Variants in HS3ST5 observed in about 807,000 individuals in gnomAD.
HS3ST5 encodes heparan sulfate-glucosamine 3-sulfotransferase 5, also known as heparan sulfate glucosamine 3-O-sulfotransferase 5.
Under a neutral mutation model 25.4 loss-of-function variants are expected in HS3ST5, and 10 were observed. That is an observed-to-expected ratio of 0.39 (90% CI 0.24 to 0.67). HS3ST5 has a LOEUF of 0.67. Ranked by LOEUF, HS3ST5 falls within the 30% of genes least tolerant of loss-of-function variation. HS3ST5 has a pLI of 0.44. For missense variants in HS3ST5, 324 were observed against 420.7 expected (o/e 0.77, Z 2.01); for synonymous variants, 170 against 162.4 (o/e 1.05, Z -0.36).
intron 1 of HS3ST5, among the ~76,000 whole-genome samples, chr6:114,336,418 G>A (rs1776614107): frequency 1.3e-5 from 2 of 152,184 alleles, no homozygotes; most frequent in Non-Finnish European, 2.9e-5. Flanking sequence ...GACCAGTCTG[G>A]CCAACATGGC....
chr6:114,338,393 G>A (rs1776694089), intron 1 of HS3ST5, among the ~76,000 whole-genome samples: 1 of 151,098 alleles, frequency 6.6e-6, no homozygotes, highest in African/African-American at 2.4e-5. Context: ...GCAGAGTCAA[G>A]TTAGGCAAAG....
At chr6:114,105,388 G>C (rs1775942749) in intron 3 of HS3ST5, among the ~76,000 whole-genome samples, 1 of 152,142 alleles carries the variant, frequency 6.6e-6, no homozygotes, top group South Asian at 2.1e-4. Flanking sequence ...CTCTTAAGGA[G>C]CAAGTAATTA....
chr6:114,214,996 G>A lies in HS3ST5; in HGVS notation c.-145+13589C>T, dbSNP rs1247829594. On this transcript the variant is annotated intron_variant, in intron 2 of 4. Transcript: ENST00000312719. The stretch of plus-strand genomic sequence containing the variant: ...CTATTATTTCTAAACCTTAGTTTCT[G>A]TCCTGTAGTTTCCTGATAAAAACTC... Among the ~76,000 whole-genome samples the A allele has an allele frequency of 3.9e-5, 6 of 152,102 alleles. 1 individual carries two copies. The highest frequency in any genetic ancestry group is 3.3e-4 in the Admixed American group (5 of 15,262).
intron 1 of HS3ST5, among the ~76,000 whole-genome samples, chr6:114,249,302 T>G (rs1253709751): frequency 6.6e-6 from 1 of 152,270 alleles, no homozygotes; most frequent in African/African-American, 2.4e-5. Context: ...ATTTACCATT[T>G]ATTACTTGTA....
At chr6:114,163,671 A>G (rs913792951) in intron 3 of HS3ST5, among the ~76,000 whole-genome samples, 2 of 152,096 alleles carry the variant, frequency 1.3e-5, no homozygotes, top group African/African-American at 4.8e-5. Context: ...AACTCTTTTG[A>G]GCTGTTTACT....
At chr6:114,289,401 G>A (rs879734631) in intron 1 of HS3ST5, among the ~76,000 whole-genome samples, 5 of 151,966 alleles carry the variant, frequency 3.3e-5, no homozygotes, top group Non-Finnish European at 7.4e-5. Context: ...CAAATAACTG[G>A]ATTTTAAAAA....
At chr6:114,241,668 CT>C (rs1772134201) in intron 1 of HS3ST5, among the ~76,000 whole-genome samples, 2 of 152,098 alleles carry the variant, frequency 1.3e-5, no homozygotes, top group African/African-American at 4.8e-5. Context: ...ATAGTGATGA[CT>C]TTTTATAAGA....
intron 2 of HS3ST5, among the ~76,000 whole-genome samples, chr6:114,174,403 A>AT (rs772455870): frequency 3.3e-4 from 50 of 151,566 alleles, no homozygotes; most frequent in East Asian, 1.2e-3. Flanking sequence ...GACAATGTCT[A>AT]TTTTTTTTAC....
chr6:114,196,841 G>A (rs1780783299), intron 2 of HS3ST5, among the ~76,000 whole-genome samples: 1 of 149,900 alleles, frequency 6.7e-6, no homozygotes, highest in Non-Finnish European at 1.5e-5. Context: ...GTGTTATTAG[G>A]AAGGAGAAAC....
intron 1 of HS3ST5, among the ~76,000 whole-genome samples, chr6:114,304,665 C>A (rs1775216612): frequency 6.6e-6 from 1 of 152,006 alleles, no homozygotes; most frequent in South Asian, 2.1e-4. Flanking sequence ...TTTAAAAAAT[C>A]ATTCATTTAA....
chr6:114,066,685 A>G (rs1773470708), intron 3 of HS3ST5, among the ~76,000 whole-genome samples: 2 of 152,150 alleles, frequency 1.3e-5, no homozygotes. Context: ...ATAAAGTTAT[A>G]AAGCTTATCG....
At chr6:114,236,752 T>C (rs1771874816) in intron 1 of HS3ST5, among the ~76,000 whole-genome samples, 1 of 152,226 alleles carries the variant, frequency 6.6e-6, no homozygotes, top group African/African-American at 2.4e-5. Flanking sequence ...ATAGGCATGA[T>C]GCATTTAGAT....
At chr6:114,083,090 T>C (rs910102664) in intron 3 of HS3ST5, among the ~76,000 whole-genome samples, 1 of 152,236 alleles carries the variant, frequency 6.6e-6, no homozygotes, top group East Asian at 1.9e-4. Flanking sequence ...GGAAACTTTA[T>C]TTATAACAAG....
At chr6:114,298,598 C>T (rs574522283) in intron 1 of HS3ST5, among the ~76,000 whole-genome samples, 68 of 152,328 alleles carry the variant, frequency 4.5e-4, no homozygotes, top group Admixed American at 1.8e-3. Context: ...CCTGGCAGCA[C>T]GACTCCAGAG....
rs80193042 is a variant in HS3ST5 at position 114,081,235 on chromosome 6, GA to G, written c.-32-18359del. Among the ~76,000 whole-genome samples the G allele has an allele frequency of 6.6e-5, 10 of 152,144 alleles. No homozygotes were observed. The East Asian group carries it at 1.9e-3, about 29-fold the overall frequency. ...AGATCACCACAACAGATATAATAAT[GA>G]AAAAGTTTAAAATACTGAGGGAATT... On this transcript the variant is annotated intron_variant, in intron 3 of 4. Coordinates refer to ENST00000312719, the MANE Select transcript of HS3ST5 (RefSeq NM_153612.4).
chr6:114,143,366 T>G (rs1205139444), intron 3 of HS3ST5, among the ~76,000 whole-genome samples: 1 of 152,220 alleles, frequency 6.6e-6, no homozygotes, highest in African/African-American at 2.4e-5. Flanking sequence ...ATATGTCGTG[T>G]TCAGTGGGAG....
intron 1 of HS3ST5, among the ~76,000 whole-genome samples, chr6:114,304,327 G>C (rs1297858072): frequency 1.3e-5 from 2 of 151,946 alleles, no homozygotes; most frequent in East Asian, 3.9e-4. Flanking sequence ...TATGAATGTA[G>C]GAAAAAAATC....
chr6:114,194,939 T>G (rs957505621), intron 2 of HS3ST5, among the ~76,000 whole-genome samples: 3 of 152,234 alleles, frequency 2.0e-5, no homozygotes, highest in African/African-American at 7.2e-5. Flanking sequence ...AATAGCCACC[T>G]TGCAGGCTGC....
chr6:114,215,730 A>T (rs1781728639), intron 2 of HS3ST5, among the ~76,000 whole-genome samples: 1 of 152,016 alleles, frequency 6.6e-6, no homozygotes, highest in Admixed American at 6.6e-5. Flanking sequence ...CCCCTATGCC[A>T]CAGCTGTGTT....
Sources: gnomAD v4.1 joint callset for allele counts (sites outside exome capture counted in the v4.1 genomes callset) on GRCh38, gnomAD v4.1.1 for gene constraint, MANE v1.5 for transcripts, NCBI Gene and HGNC (gene_info 2026-07-23, HGNC 2026-07-21) for gene names.